The following RALGPS1 variants were observed in gnomAD, a reference collection of about 807,000 sequenced individuals.
RALGPS1 encodes ras-specific guanine nucleotide-releasing factor RalGPS1.
A neutral mutation model predicts 78.8 loss-of-function variants in RALGPS1; 19 were observed. The observed-to-expected ratio is 0.24, with a 90% CI of 0.17 to 0.35. RALGPS1 has a LOEUF of 0.35. Among genes scored for constraint, RALGPS1 ranks in the 10% least tolerant of loss-of-function variants. RALGPS1 has a pLI of 1.00. For synonymous variants in RALGPS1, 228 were observed against 256.3 expected (o/e 0.89, Z 1.06); for missense variants, 454 against 688.3 (o/e 0.66, Z 3.81).
intron 4 of RALGPS1, among the ~76,000 whole-genome samples, chr9:127,027,613 A>T (rs1589100375): frequency 6.6e-6 from 1 of 152,170 alleles, no homozygotes; most frequent in African/African-American, 2.4e-5. Flanking sequence ...TGCGACCCCC[A>T]CCCACCAGTG....
intron 18 of RALGPS1, chr9:127,217,508 T>C (rs2062648036): frequency 2.2e-6 from 2 of 889,254 alleles, no homozygotes; most frequent in Non-Finnish European, 2.7e-6. Context: ...CCTAAACTTG[T>C]TTTTATTAAC....
Position 127,214,780 on chromosome 9 carries a change from C to A in RALGPS1, c.1582C>A (p.Arg528=). Residue 528 remains arginine (R), a synonymous_variant, in exon 18 of 19, where the codon CGA becomes AGA. Coordinates refer to ENST00000259351, the MANE Select transcript of RALGPS1 (RefSeq NM_014636.3). ...GNVYKFQTGS[R]FHAILWHKHL... ...TGTTTACAAGTTTCAGACTGGTTCC[C>A]GATTTCATGCAATACTGTGGCACAA... The A allele has an allele frequency of 6.2e-7, 1 of 1,610,604 alleles. No homozygotes were observed. Among genetic ancestry groups the A allele is most frequent in the South Asian group, 1.1e-5 (1 of 90,240 alleles).
At chr9:126,952,574 G>A (rs1450195687) in intron 1 of RALGPS1, among the ~76,000 whole-genome samples, 6 of 152,070 alleles carry the variant, frequency 3.9e-5, no homozygotes, top group Admixed American at 2.6e-4. Context: ...AGTAATGGGT[G>A]CCCTAGTGGG....
intron 4 of RALGPS1, among the ~76,000 whole-genome samples, chr9:127,006,242 G>A (rs1030344242): frequency 2.6e-5 from 4 of 152,134 alleles, no homozygotes; most frequent in African/African-American, 4.8e-5. Context: ...ATGGATTCAC[G>A]GTCCTTCTTT....
intron 5 of RALGPS1, among the ~76,000 whole-genome samples, chr9:127,034,897 C>A (rs924793481): frequency 5.3e-5 from 8 of 152,132 alleles, no homozygotes; most frequent in Non-Finnish European, 8.8e-5. Flanking sequence ...TCCTGTCAGG[C>A]CCCATGTGTG....
At chr9:127,164,512 G>A (rs993684502) in intron 8 of RALGPS1, among the ~76,000 whole-genome samples, 14 of 147,302 alleles carry the variant, frequency 9.5e-5, no homozygotes, top group African/African-American at 3.3e-4. Flanking sequence ...TGGGATTACA[G>A]GCATGAGCCA....
chr9:127,066,117 G>T (rs961387016), intron 7 of RALGPS1, among the ~76,000 whole-genome samples: 5 of 152,216 alleles, frequency 3.3e-5, no homozygotes, highest in African/African-American at 1.2e-4. Context: ...GCACTTGACA[G>T]GCTGGGCAGG....
chr9:127,037,169 G>A (rs1409789041), intron 5 of RALGPS1, among the ~76,000 whole-genome samples: 2 of 152,204 alleles, frequency 1.3e-5, no homozygotes, highest in African/African-American at 4.8e-5. Flanking sequence ...AACATTCCAT[G>A]TAAGCTTAAA....
At chr9:127,018,053 C>A (rs1353406580) in intron 4 of RALGPS1, among the ~76,000 whole-genome samples, 1 of 151,756 alleles carries the variant, frequency 6.6e-6, no homozygotes, top group East Asian at 2.0e-4. Context: ...CCCGTCTCTA[C>A]TGAAAATACA....
intron 1 of RALGPS1, among the ~76,000 whole-genome samples, chr9:126,935,208 C>T (rs1215411845): frequency 6.6e-6 from 1 of 152,222 alleles, no homozygotes; most frequent in African/African-American, 2.4e-5. Context: ...GTACCTCCTA[C>T]CTTATCTCCT....
At chr9:127,158,848 A>C (rs1422816254) in intron 8 of RALGPS1, among the ~76,000 whole-genome samples, 1 of 151,770 alleles carries the variant, frequency 6.6e-6, no homozygotes, top group Non-Finnish European at 1.5e-5. Flanking sequence ...TCTCAGAATT[A>C]ATTGGTAAGT....
chr9:127,139,960 T>G (rs1019317925), intron 8 of RALGPS1, among the ~76,000 whole-genome samples: 2 of 152,220 alleles, frequency 1.3e-5, no homozygotes, highest in Non-Finnish European at 2.9e-5. Context: ...CCAGCCGCCA[T>G]CCGCTCATGG....
Position 127,202,401 on chromosome 9 carries a change from CA to C in RALGPS1, c.1247+3336del, listed in dbSNP as rs547335782. 7.9e-5 allele frequency among the ~76,000 whole-genome samples: 12 copies of C among 152,262 alleles called. No individual in the cohort carries two copies. In the South Asian group the frequency reaches 2.3e-3, roughly 29 times the overall value. On this transcript the variant is annotated intron_variant, in intron 14 of 18. Coordinates refer to ENST00000259351, the MANE Select transcript of RALGPS1 (RefSeq NM_014636.3). ...AGGCTGCAGATGCCCAGTAGGTCCC[CA>C]TAGTGTTCGGCCATAAAGAGCTTCC...
At chr9:126,984,527 G>A (rs2041618468) in intron 4 of RALGPS1, among the ~76,000 whole-genome samples, 1 of 152,320 alleles carries the variant, frequency 6.6e-6, no homozygotes, top group South Asian at 2.1e-4. Context: ...TACCTTTAAT[G>A]GTGACTTGTG....
chr9:127,034,910 G>T (rs2046739211), intron 5 of RALGPS1, among the ~76,000 whole-genome samples: 1 of 151,962 alleles, frequency 6.6e-6, no homozygotes, highest in Admixed American at 6.6e-5. Context: ...CATGTGTGTG[G>T]TCTTCACAGC....
intron 7 of RALGPS1, among the ~76,000 whole-genome samples, chr9:127,068,560 G>C (rs914449530): frequency 6.6e-6 from 1 of 152,172 alleles, no homozygotes; most frequent in African/African-American, 2.4e-5. Context: ...GTGAGATTCT[G>C]TGACAATGAC....
rs529616921 is a variant in RALGPS1, at chr9:127,042,576, G to T, written c.301-7467G>T. Among the ~76,000 whole-genome samples, 11 of 152,270 alleles carry T rather than the reference G, an allele frequency of 7.2e-5. No homozygotes were observed. In the South Asian group the frequency reaches 1.7e-3, roughly 23 times the overall value. Reference sequence around the variant, plus strand: ...CAGCCAACATCATACATAATGGTAAGACACTGAATACTTTCCCCCTAAGAC... The same window carrying T: ...CAGCCAACATCATACATAATGGTAATACACTGAATACTTTCCCCCTAAGAC... On this transcript the variant is annotated intron_variant, in intron 5 of 18. Coordinates refer to ENST00000259351, the MANE Select transcript of RALGPS1 (RefSeq NM_014636.3).
At chr9:127,195,025 C>T in intron 11 of RALGPS1, 66 bp from the exon 12 acceptor site, 1 of 1,585,370 alleles carries the variant, frequency 6.3e-7, no homozygotes, top group South Asian at 1.1e-5. Context: ...CACCTCAACC[C>T]AGCCTGTGCA....
chr9:127,096,664 G>A (rs2053175933), intron 8 of RALGPS1, among the ~76,000 whole-genome samples: 1 of 152,114 alleles, frequency 6.6e-6, no homozygotes, highest in Non-Finnish European at 1.5e-5. Context: ...AATGTTTTGG[G>A]GCTACTAGTC....
Sources: gnomAD v4.1 joint callset for allele counts (sites outside exome capture counted in the v4.1 genomes callset) on GRCh38, gnomAD v4.1.1 for gene constraint, MANE v1.5 for transcripts, NCBI Gene and HGNC (gene_info 2026-07-23, HGNC 2026-07-21) for gene names.